The following SLC6A13 variants were observed in gnomAD, a reference collection of about 807,000 sequenced individuals.
SLC6A13 encodes the protein sodium- and chloride-dependent GABA transporter 2.
A neutral mutation model predicts 72.9 loss-of-function variants in SLC6A13; 69 were observed. That is an observed-to-expected ratio of 0.95 (90% confidence interval 0.78 to 1.16). SLC6A13 has a LOEUF of 1.16. Ranked by LOEUF, SLC6A13 falls within the 50% of genes most tolerant of loss-of-function variation. The probability of loss-of-function intolerance (pLI) is 0.00; values close to 1 mark genes in which losing one functional copy is unlikely to be tolerated. For missense variants in SLC6A13, 735 were observed against 760.5 expected (o/e 0.97, Z 0.39); for synonymous variants, 303 against 303.0 (o/e 1.00, Z 0.00).
intron 8 of SLC6A13, 110 bp from the exon 9 acceptor site, chr12:226,624 C>T (rs1339462978): frequency 6.6e-6 from 9 of 1,367,794 alleles, no homozygotes; most frequent in Non-Finnish European, 8.8e-6. Flanking sequence ...ACTGTCCTGG[C>T]CCCTTCACGG....
chr12:228,717 AC>A (rs1332798738), intron 7 of SLC6A13, among the ~76,000 whole-genome samples: 8 of 151,740 alleles, frequency 5.3e-5, no homozygotes, highest in African/African-American at 1.9e-4. Context: ...TTTCACGCTC[AC>A]CCCTACCAAA....
chr12:260,973 TGTGA>T (rs1338825732), intron 1 of SLC6A13, among the ~76,000 whole-genome samples: 2 of 152,310 alleles, frequency 1.3e-5, no homozygotes, highest in African/African-American at 4.8e-5. Context: ...GACCAGGAAT[TGTGA>T]GTAAGATGAG....
At chr12:236,161 C>T (rs1012153173) in intron 6 of SLC6A13, among the ~76,000 whole-genome samples, 2 of 152,104 alleles carry the variant, frequency 1.3e-5, no homozygotes, top group Admixed American at 6.6e-5. Flanking sequence ...TGTCCTGTTC[C>T]CTCAGAAGCA....
At position 224,127 on chromosome 12, in the gene SLC6A13, A is replaced by C; in HGVS notation, c.1176T>G (p.Phe392Leu). The change falls in exon 11 of 15, where the codon TTT becomes TTG. Residue 392 changes from phenylalanine (F) to leucine (L), a missense_variant and splice_region_variant. Transcript: ENST00000343164. ...CTGTCACCAGGCTTTCTACACACAC[A>C]AACTGGATGACAGGGCAAAGGGATT... Reference protein sequence around the residue: ...MVVLLGLDSQFVCVESLVTAL... With the variant: ...MVVLLGLDSQLVCVESLVTAL... 6.2e-7 allele frequency: 1 copy of C among 1,614,044 alleles called. No homozygotes were observed. The highest frequency in any genetic ancestry group is 1.1e-5 in the South Asian group (1 of 91,064).
chr12:223,762 G>A (rs994888532), intron 11 of SLC6A13: 1 of 549,074 alleles, frequency 1.8e-6, no homozygotes, highest in African/African-American at 1.9e-5. Context: ...ACTTACTGTG[G>A]AGCCAAATGG....
chr12:246,664 G>A (rs1942359605), intron 2 of SLC6A13, among the ~76,000 whole-genome samples: 1 of 152,148 alleles, frequency 6.6e-6, no homozygotes, highest in African/African-American at 2.4e-5. Context: ...GAAAAGATCA[G>A]TGACCTTGAA....
Position 220,762 on chromosome 12 carries a change from C to G in SLC6A13, c.*186G>C. 1.5e-6 allele frequency: 1 copy of G among 647,470 alleles called. No individual in the cohort carries two copies. The highest frequency in any genetic ancestry group is 2.6e-6 in the Non-Finnish European group (1 of 385,724). The allele number at this position is 647,470 out of a possible 1,614,324, so 40.1% of individuals were successfully genotyped here. A position where few individuals can be genotyped will look rare whatever the true frequency, so the allele number is the denominator to read the frequency against. On this transcript the variant is annotated 3_prime_UTR_variant, in exon 15 of 15. Transcript: ENST00000343164. ...TTGGCACTGGCCTTTCACATCTGTT[C>G]AACAACCCCTGAGCTGAAAAGTTGC...
intron 2 of SLC6A13, among the ~76,000 whole-genome samples, chr12:251,457 T>A (rs543699215): frequency 6.6e-6 from 1 of 152,276 alleles, no homozygotes; most frequent in African/African-American, 2.4e-5. Context: ...ATCTTCACTG[T>A]ATACAAAAAT....
chr12:237,069 G>T, intron 6 of SLC6A13, 89 bp downstream of exon 6: 1 of 1,447,314 alleles, frequency 6.9e-7, no homozygotes, highest in South Asian at 1.3e-5. Context: ...CATCCTCAAC[G>T]GGGCCACAGC....
rs1361492159 is a variant in SLC6A13 at position 220,873 on chromosome 12, G to C, written c.*75C>G. 1 of 1,574,816 alleles carries C rather than the reference G, an allele frequency of 6.3e-7. No homozygotes were observed. Among genetic ancestry groups the C allele is most frequent in the African/African-American group, 1.3e-5 (1 of 74,226 alleles). On this transcript the variant is annotated 3_prime_UTR_variant, in exon 15 of 15. Coordinates refer to ENST00000343164, the MANE Select transcript of SLC6A13 (RefSeq NM_016615.5). ...CAGGTCGGGGGCAGGGAAGCACATG[G>C]GGCTGCTTCTGCCACGTTCCCTCCA...
chr12:260,601 G>A (rs1942894503), intron 1 of SLC6A13, among the ~76,000 whole-genome samples: 2 of 152,174 alleles, frequency 1.3e-5, no homozygotes, highest in South Asian at 4.1e-4. Context: ...TACATAAATT[G>A]TCAAAAATGG....
At chr12:247,717 T>C (rs1306696805) in intron 2 of SLC6A13, among the ~76,000 whole-genome samples, 1 of 152,150 alleles carries the variant, frequency 6.6e-6, no homozygotes. Context: ...TTTCTTATTA[T>C]TCAAATATTT....
At chr12:229,307 G>T (rs11062035) in intron 7 of SLC6A13, among the ~76,000 whole-genome samples, 10,381 of 152,298 alleles carry the variant, frequency 0.068, 434 homozygotes, top group East Asian at 0.16. Context: ...AAAAGTTTCA[G>T]TGTGATGCCA....
intron 2 of SLC6A13, among the ~76,000 whole-genome samples, chr12:251,020 G>T (rs572032546): frequency 1.3e-5 from 2 of 152,002 alleles, no homozygotes; most frequent in East Asian, 3.9e-4. Context: ...GCCGGGCATG[G>T]TGGTGGGCAC....
In SLC6A13 at chr12:221,646, C is replaced by T. The variant is rs150227064; in HGVS notation, c.1516-100G>A. ...GCCTGGCAGAAATCACCCTCCAAGC[C>T]TGGATTCCCTCTAGCTCTTCTGGAC... On this transcript the variant is annotated intron_variant, in intron 13 of 14. Coordinates refer to ENST00000343164, the MANE Select transcript of SLC6A13 (RefSeq NM_016615.5). 1.2e-3 allele frequency: 919 copies of T among 774,544 alleles called. 14 individuals are homozygous for T. In the East Asian group the frequency reaches 0.02, roughly 17 times the overall value. The allele number at this position is 774,544 out of a possible 1,614,324, so 48.0% of individuals were successfully genotyped here.
At chr12:223,790 G>A (rs1276517712) in intron 11 of SLC6A13, 3 of 585,144 alleles carry the variant, frequency 5.1e-6, no homozygotes, top group Non-Finnish European at 9.1e-6. Context: ...CCCATCCCTG[G>A]AGGTGGGTGG....
intron 1 of SLC6A13, among the ~76,000 whole-genome samples, chr12:262,357 A>T (rs1451521078): frequency 6.6e-6 from 1 of 152,246 alleles, no homozygotes; most frequent in Non-Finnish European, 1.5e-5. Context: ...GTTCATCTGT[A>T]AAAGTGGGGA....
Position 259,945 on chromosome 12 carries a change from G to A in SLC6A13, c.108C>T (p.Asn36=). The part of the protein sequence containing the change: ...EDGTLERGHW[N]NKMEFVLSVA... ...CTGACAGCACAAACTCCATCTTGTT[G>A]TTCCAGTGCCCCCGCTCCAGGGTGC... The change falls in exon 2 of 15, where the codon AAC becomes AAT. Residue 36 remains asparagine, a synonymous_variant. Coordinates refer to ENST00000343164, the MANE Select transcript of SLC6A13 (RefSeq NM_016615.5). 1.2e-6 allele frequency: 2 copies of A among 1,614,184 alleles called. No homozygotes were observed. Among genetic ancestry groups the A allele is most frequent in the Non-Finnish European group, 1.7e-6 (2 of 1,180,022 alleles).
chr12:250,833 C>CAAAAAAAAAAAAAAAAAAA lies in SLC6A13; in HGVS notation c.203-7039_203-7021dup, dbSNP rs71045051. 4.8e-5 allele frequency among the ~76,000 whole-genome samples: 4 copies of CAAAAAAAAAAAAAAAAAAA among 82,588 alleles called. 1 individual carries two copies. Among genetic ancestry groups the CAAAAAAAAAAAAAAAAAAA allele is most frequent in the Admixed American group, 2.8e-4 (2 of 7,050 alleles). 54.2% of individuals were successfully genotyped at this position (82,588 alleles called of 152,430 possible). A position where few individuals can be genotyped will look rare whatever the true frequency, so the allele number is the denominator to read the frequency against. ...ATGATAAGGACCCAAAATAGCCCCC[C>CAAAAAAAAAAAAAAAAAAA]AAAAAAAAAAAAAAAAAAACCTAAA... On this transcript the variant is annotated intron_variant, in intron 2 of 14. Coordinates refer to ENST00000343164, the MANE Select transcript of SLC6A13 (RefSeq NM_016615.5).
Sources: allele counts gnomAD v4.1 joint callset (sites outside exome capture counted in the v4.1 genomes callset), GRCh38; gene constraint gnomAD v4.1.1; transcripts MANE v1.5; gene names NCBI Gene and HGNC (gene_info 2026-07-23, HGNC 2026-07-21).